PLA2R1: variants seen among roughly 807,000 people sequenced by gnomAD.
PLA2R1 encodes the protein phospholipase A2 receptor 1, also known as secretory phospholipase A2 receptor.
Under a neutral mutation model 195.9 loss-of-function variants are expected in PLA2R1, and 158 were observed. The ratio of observed to expected loss-of-function variants is 0.81; its 90% confidence interval spans 0.71 to 0.92. The LOEUF (loss-of-function observed/expected upper bound fraction) is 0.92, where lower values mean the gene tolerates loss of function less well. Ranked by LOEUF, PLA2R1 falls within the 40% of genes least tolerant of loss-of-function variation. The probability of loss-of-function intolerance (pLI) is 0.00; values close to 1 mark genes in which losing one functional copy is unlikely to be tolerated. For missense variants in PLA2R1, 1,626 were observed against 1,764.6 expected (o/e 0.92, Z 1.41); for synonymous variants, 586 against 598.2 (o/e 0.98, Z 0.30).
chr2:159,967,231 A>G (rs946884550), intron 20 of PLA2R1, among the ~76,000 whole-genome samples: 1 of 152,198 alleles, frequency 6.6e-6, no homozygotes, highest in Non-Finnish European at 1.5e-5. Context: ...ACACACATGC[A>G]TACATACATA....
At chr2:159,954,043 AGGCT>A (rs1687929714) in intron 23 of PLA2R1, among the ~76,000 whole-genome samples, 1 of 152,204 alleles carries the variant, frequency 6.6e-6, no homozygotes, top group Admixed American at 6.5e-5. Context: ...CATGTTGCTC[AGGCT>A]GGTCTTGAAC....
intron 20 of PLA2R1, among the ~76,000 whole-genome samples, chr2:159,961,965 T>A (rs370071945): frequency 6.6e-6 from 1 of 152,316 alleles, no homozygotes; most frequent in Non-Finnish European, 1.5e-5. Flanking sequence ...ATTCAGGACA[T>A]AGGCATGAGC....
intron 13 of PLA2R1, among the ~76,000 whole-genome samples, chr2:159,981,399 C>A: frequency 6.6e-6 from 1 of 152,010 alleles, no homozygotes. Flanking sequence ...CTGAAACATA[C>A]ACAGTTATTG....
intron 25 of PLA2R1, 64 bp from the exon 26 acceptor site, chr2:159,947,623 T>A: frequency 3.7e-6 from 5 of 1,363,072 alleles, no homozygotes; most frequent in Non-Finnish European, 5.2e-6. Flanking sequence ...AGATAAATAT[T>A]ACATTACATT....
chr2:159,955,057 T>C (rs1687994752), intron 23 of PLA2R1, 142 bp downstream of exon 23: 3 of 620,096 alleles, frequency 4.8e-6, no homozygotes, highest in Non-Finnish European at 5.6e-6. Flanking sequence ...TAACTAAACT[T>C]ATGTAAAGCC....
At chr2:159,994,892 T>C (rs1691101607) in intron 11 of PLA2R1, among the ~76,000 whole-genome samples, 1 of 151,696 alleles carries the variant, frequency 6.6e-6, no homozygotes, top group African/African-American at 2.4e-5. Context: ...TGGGTGGTTC[T>C]GAGTGTTCAT....
At chr2:159,978,611 A>G (rs1689735951) in intron 14 of PLA2R1, among the ~76,000 whole-genome samples, 1 of 152,146 alleles carries the variant, frequency 6.6e-6, no homozygotes, top group Non-Finnish European at 1.5e-5. Flanking sequence ...TCTATGTGTC[A>G]CATTTCTTTT....
intron 3 of PLA2R1, 89 bp from the exon 4 acceptor site, chr2:160,033,221 A>G (rs1693968747): frequency 1.0e-6 from 1 of 987,540 alleles, no homozygotes; most frequent in African/African-American, 1.7e-5. Context: ...GAATTATTCC[A>G]TCTTGCAATC....
At chr2:159,952,771 G>A (rs1046607391) in intron 23 of PLA2R1, among the ~76,000 whole-genome samples, 8 of 152,172 alleles carry the variant, frequency 5.3e-5, no homozygotes, top group African/African-American at 1.7e-4. Flanking sequence ...TCCTATGAAT[G>A]TTGCTTCTTG....
intron 10 of PLA2R1, among the ~76,000 whole-genome samples, chr2:160,008,296 A>T (rs1444336827): frequency 6.6e-6 from 1 of 152,186 alleles, no homozygotes; most frequent in African/African-American, 2.4e-5. Context: ...ATAGAGTGAG[A>T]CCCTGTCTCA....
At chr2:160,052,866 A>G (rs2105676574) in intron 1 of PLA2R1, among the ~76,000 whole-genome samples, 1 of 152,362 alleles carries the variant, frequency 6.6e-6, no homozygotes, top group South Asian at 2.1e-4. Context: ...CCGCCTTGGG[A>G]GTATGCCCAT....
rs1184373017 is a variant in PLA2R1, at chr2:159,937,747, A to T, written c.*4031T>A. 1.3e-5 allele frequency: 2 copies of T among 152,370 alleles called. No homozygotes were observed. The highest frequency in any genetic ancestry group is 3.9e-4 in the East Asian group (2 of 5,192). The allele number at this position is 152,370 out of a possible 1,614,324, so 9.4% of individuals were successfully genotyped here. A position where few individuals can be genotyped will look rare whatever the true frequency, so the allele number is the denominator to read the frequency against. ...CTGTTCCACTGTATAATACATATTA[A>T]TTCAGAATATGAACATGGGGCAAAA... On this transcript the variant is annotated 3_prime_UTR_variant, in exon 30 of 30. Transcript: ENST00000283243.
rs1176855785 is a variant in PLA2R1, at chr2:159,944,904, A to G, written c.4144+2T>C. The G allele has an allele frequency of 1.2e-6, 2 of 1,606,800 alleles. No homozygotes were observed. Among genetic ancestry groups the G allele is most frequent in the Admixed American group, 1.7e-5 (1 of 59,926 alleles). On this transcript the variant is annotated splice_donor_variant, in intron 28 of 29. Coordinates refer to ENST00000283243, the MANE Select transcript of PLA2R1 (RefSeq NM_007366.5). LOFTEE classifies it high-confidence loss of function. ...GAAGAATTACTCTCTGACTTTACCT[A>G]CCTGCCTCCATTTTACATATAAAGC...
At chr2:159,946,551 T>C (rs1687396963) in intron 27 of PLA2R1, 1 of 1,146,064 alleles carries the variant, frequency 8.7e-7, no homozygotes, top group Non-Finnish European at 1.1e-6. Flanking sequence ...GCCAAGCATC[T>C]TCCTGCTAAG....
chr2:160,024,082 C>A (rs547326238), intron 6 of PLA2R1, among the ~76,000 whole-genome samples: 2 of 152,312 alleles, frequency 1.3e-5, no homozygotes, highest in East Asian at 3.9e-4. Context: ...CTGGAGTCTA[C>A]AGGACTATGC....
chr2:159,947,172 C>T (rs1045190480), intron 26 of PLA2R1, among the ~76,000 whole-genome samples: 2 of 152,266 alleles, frequency 1.3e-5, no homozygotes, highest in African/African-American at 2.4e-5. Context: ...GCAAAAGGAA[C>T]GTTTTCTTCA....
In PLA2R1 at chr2:160,044,853, CACT is replaced by C. The variant is rs771222297; in HGVS notation, c.411_413del (p.Val139del). The C allele has an allele frequency of 2.2e-5, 35 of 1,613,880 alleles. No homozygotes were observed. The highest frequency in any genetic ancestry group is 2.5e-5 in the Non-Finnish European group (29 of 1,179,870). On this transcript the variant is annotated inframe_deletion, in exon 2 of 30. Coordinates refer to ENST00000283243, the MANE Select transcript of PLA2R1 (RefSeq NM_007366.5). ...TATGAATATACTTCCGTGAGGCCAC[CACT>C]GTGTTGTCATGCGCCACCTGGACAG...
rs765928415 is a variant in PLA2R1 at position 160,028,271 on chromosome 2, G to A, written c.1046C>T (p.Thr349Ile). The A allele has an allele frequency of 1.2e-6, 2 of 1,603,754 alleles. No individual in the cohort carries two copies. Among genetic ancestry groups the A allele is most frequent in the East Asian group, 4.5e-5 (2 of 44,772 alleles). ...SAWRSRDCES[T>I]LPYICKKYLN... ...ATATTTTTTACATATATATGGCAAG[G>A]TGGACTCACAATCCCGACTCCTCCA... is the stretch of plus-strand genomic sequence containing the variant. Residue 349 changes from threonine (T) to isoleucine (I), a missense_variant, in exon 6 of 30, where the codon ACC (threonine) becomes ATC (isoleucine). By Grantham distance (89) the Thr-to-Ile change is moderately conservative (BLOSUM62 -1). Coordinates refer to ENST00000283243, the MANE Select transcript of PLA2R1 (RefSeq NM_007366.5).
At chr2:160,028,690 T>A (rs942630543) in intron 5 of PLA2R1, among the ~76,000 whole-genome samples, 160 bp downstream of exon 5, 1 of 152,188 alleles carries the variant, frequency 6.6e-6, no homozygotes, top group Non-Finnish European at 1.5e-5. Context: ...TGGTCCCTAT[T>A]TTCTTGTTTG....
Sources: allele counts gnomAD v4.1 joint callset (sites outside exome capture counted in the v4.1 genomes callset), GRCh38; gene constraint gnomAD v4.1.1; transcripts MANE v1.5; gene names NCBI Gene and HGNC (gene_info 2026-07-23, HGNC 2026-07-21).